TBC1D15: variants seen among roughly 807,000 people sequenced by gnomAD.
TBC1D15 encodes GAP for RAB7.
A neutral mutation model predicts 95.4 loss-of-function variants in TBC1D15; 39 were observed. The observed-to-expected ratio is 0.41, with a 90% CI of 0.32 to 0.53. The LOEUF (loss-of-function observed/expected upper bound fraction) is 0.53, where lower values mean the gene tolerates loss of function less well. Ranked by LOEUF, TBC1D15 falls within the 20% of genes least tolerant of loss-of-function variation. TBC1D15 has a pLI of 0.29. For missense variants in TBC1D15, 733 were observed against 794.3 expected (o/e 0.92, Z 0.93); for synonymous variants, 258 against 261.3 (o/e 0.99, Z 0.12).
intron 3 of TBC1D15, among the ~76,000 whole-genome samples, chr12:71,874,217 C>G (rs1320297147): frequency 6.6e-6 from 1 of 152,172 alleles, no homozygotes; most frequent in Non-Finnish European, 1.5e-5. Context: ...CAAATCGAGT[C>G]ACGTTCTGAG....
intron 1 of TBC1D15, among the ~76,000 whole-genome samples, chr12:71,865,481 A>G (rs759031901): frequency 6.6e-6 from 1 of 152,150 alleles, no homozygotes; most frequent in Non-Finnish European, 1.5e-5. Flanking sequence ...TAGTGACTCA[A>G]GACCTTGGGA....
chr12:71,884,953 T>A lies in TBC1D15; in HGVS notation c.486T>A (p.Ala162=), dbSNP rs755400995. 64 of 1,614,068 alleles carry A rather than the reference T, an allele frequency of 4.0e-5. No individual in the cohort carries two copies. The highest frequency in any genetic ancestry group is 5.3e-5 in the Non-Finnish European group (63 of 1,179,926). ...TAAAGGATGACGTCGTTCTCCCTGCTCTACACTTTCATCAAGGAGATAGCA... is the reference window on the plus strand; with the variant it reads ...TAAAGGATGACGTCGTTCTCCCTGCACTACACTTTCATCAAGGAGATAGCA... ...FCLKDDVVLP[A]LHFHQGDSKL... is the part of the protein sequence containing the mutation. Residue 162 remains alanine (A), a synonymous_variant, in exon 5 of 17, where the codon GCT becomes GCA. Transcript: ENST00000485960.
chr12:71,850,309 T>A, intron 1 of TBC1D15: 1 of 443,348 alleles, frequency 2.3e-6, no homozygotes, highest in Admixed American at 2.9e-5. Context: ...CTGGCTAGAG[T>A]GGTTTGAAAG....
chr12:71,871,139 T>C (rs962085857), intron 1 of TBC1D15, among the ~76,000 whole-genome samples: 1 of 152,204 alleles, frequency 6.6e-6, no homozygotes, highest in Non-Finnish European at 1.5e-5. Flanking sequence ...CTATGAAAAA[T>C]GAGGCTTAAC....
At position 71,878,805 on chromosome 12, in the gene TBC1D15, C is replaced by T. The variant is rs547139563; in HGVS notation, c.205-1664C>T. On this transcript the variant is annotated intron_variant, in intron 3 of 16. Coordinates refer to ENST00000485960, the MANE Select transcript of TBC1D15 (RefSeq NM_001146213.3). The stretch of plus-strand genomic sequence containing the variant: ...GTGCTGGGATTACAGGCATGAGCTA[C>T]TGCACCTGGCCTGAGGGTTGATTTA... 6.6e-5 allele frequency among the ~76,000 whole-genome samples: 10 copies of T among 151,250 alleles called. No individual in the cohort carries two copies. In the South Asian group the frequency reaches 2.1e-3, roughly 31 times the overall value.
At chr12:71,853,271 G>C (rs1888276127) in intron 1 of TBC1D15, among the ~76,000 whole-genome samples, 1 of 152,150 alleles carries the variant, frequency 6.6e-6, no homozygotes, top group Non-Finnish European at 1.5e-5. Flanking sequence ...ACTCACTATT[G>C]ACATGACAGC....
intron 10 of TBC1D15, among the ~76,000 whole-genome samples, chr12:71,899,884 A>G (rs536584851): frequency 1.3e-5 from 2 of 152,150 alleles, no homozygotes; most frequent in South Asian, 2.1e-4. Context: ...ACTTGAGCCT[A>G]TGGGGTTGAG....
At chr12:71,914,230 A>G (rs1903133890) in intron 12 of TBC1D15, among the ~76,000 whole-genome samples, 1 of 151,974 alleles carries the variant, frequency 6.6e-6, no homozygotes, top group South Asian at 2.1e-4. Context: ...AGATGAATTC[A>G]ATTTTGTGGA....
At chr12:71,919,454 C>G (rs1429831021) in intron 14 of TBC1D15, among the ~76,000 whole-genome samples, 1 of 152,026 alleles carries the variant, frequency 6.6e-6, no homozygotes. Context: ...GATTGTAAAT[C>G]CAACTTTATA....
chr12:71,893,225 T>G lies in TBC1D15; in HGVS notation c.558T>G (p.Ser186=), dbSNP rs756565437. The G allele has an allele frequency of 6.3e-7, 1 of 1,590,356 alleles. No individual in the cohort carries two copies. Among genetic ancestry groups the G allele is most frequent in the Non-Finnish European group, 8.6e-7 (1 of 1,167,758 alleles). The change falls in exon 6 of 17, where the codon TCT becomes TCG. Residue 186 remains serine (S), a synonymous_variant. Transcript: ENST00000485960. The part of the protein sequence containing the change: ...SLEKYVVLCE[S]PQDKRTLLVN... ...CAAATCCTCTTTTTTATTATAGATC[T>G]CCACAGGATAAAAGAACACTTCTTG...
chr12:71,907,035 C>T lies in TBC1D15; in HGVS notation c.1197C>T (p.Asn399=), dbSNP rs775951329. Residue 399 remains asparagine (N), a synonymous_variant, in exon 11 of 17, where the codon AAC becomes AAT. Coordinates refer to ENST00000485960, the MANE Select transcript of TBC1D15 (RefSeq NM_001146213.3). ...DYRSLIEKDV[N]RTDRTNKFYE... is the part of the protein sequence containing the mutation. ...TTTCCTCTTCAGAAAAAGATGTTAA[C>T]AGAACAGATCGAACAAACAAGTTTT... The T allele has an allele frequency of 2.5e-6, 4 of 1,602,672 alleles. No homozygotes were observed. The South Asian group carries it at 4.5e-5, about 18-fold the overall frequency.
intron 1 of TBC1D15, among the ~76,000 whole-genome samples, chr12:71,840,898 C>T (rs1183353870): frequency 6.6e-6 from 1 of 151,982 alleles, no homozygotes; most frequent in Non-Finnish European, 1.5e-5. Context: ...TTTGTCTTTT[C>T]GCGTTCTTTA....
At position 71,851,244 on chromosome 12, in the gene TBC1D15, A is replaced by G. The variant is rs549433674; in HGVS notation, c.30+11433A>G. ...CAACCAGATCTCATGAGAACTCACT[A>G]TTGTGATGACAGCATCAAGAGTGGA... On this transcript the variant is annotated intron_variant, in intron 1 of 16. Transcript: ENST00000485960. 3.0e-4 allele frequency among the ~76,000 whole-genome samples: 46 copies of G among 152,188 alleles called. 3 individuals are homozygous for G. The South Asian group carries it at 9.1e-3, about 30-fold the overall frequency.
In TBC1D15 at chr12:71,893,576, A is replaced by G. The variant is rs184030485; in HGVS notation, c.657+252A>G. ...TCATAAGGAAATTTCTCAGTTTATT[A>G]TAATACTAAAATTAGACATCAGTAG... On this transcript the variant is annotated intron_variant, in intron 6 of 16. Coordinates refer to ENST00000485960, the MANE Select transcript of TBC1D15 (RefSeq NM_001146213.3). 7.2e-5 allele frequency among the ~76,000 whole-genome samples: 11 copies of G among 152,030 alleles called. No individual in the cohort carries two copies. The East Asian group carries it at 1.9e-3, about 27-fold the overall frequency.
chr12:71,865,653 A>T (rs1046095687), intron 1 of TBC1D15, among the ~76,000 whole-genome samples: 3 of 152,094 alleles, frequency 2.0e-5, no homozygotes, highest in South Asian at 2.1e-4. Flanking sequence ...TCAGCAGCTT[A>T]GACTCTGGAG....
At chr12:71,898,008 G>C in intron 10 of TBC1D15, 67 bp downstream of exon 10, 1 of 1,200,234 alleles carries the variant, frequency 8.3e-7, no homozygotes, top group Non-Finnish European at 1.2e-6. Context: ...TAAGAGTAAA[G>C]AAGTGAAGAT....
In TBC1D15 at chr12:71,843,252, G is replaced by A. The variant is rs562626211; in HGVS notation, c.30+3441G>A. On this transcript the variant is annotated intron_variant, in intron 1 of 16. Coordinates refer to ENST00000485960, the MANE Select transcript of TBC1D15 (RefSeq NM_001146213.3). ...GCCACTTGTTCAGACTGGGCGAAGGGCATACTGTGTTTCAAAAAATGAAAA... is the reference window on the plus strand; with the variant it reads ...GCCACTTGTTCAGACTGGGCGAAGGACATACTGTGTTTCAAAAAATGAAAA... 1.3e-3 allele frequency among the ~76,000 whole-genome samples: 192 copies of A among 152,270 alleles called. 2 individuals are homozygous for A. Among genetic ancestry groups the A allele is most frequent in the African/African-American group, 4.5e-3 (187 of 41,554 alleles).
Position 71,917,747 on chromosome 12 carries a change from A to T in TBC1D15, c.1451A>T (p.Gln484Leu). 1 of 1,613,076 alleles carries T rather than the reference A, an allele frequency of 6.2e-7. No homozygotes were observed. Among genetic ancestry groups the T allele is most frequent in the East Asian group, 2.2e-5 (1 of 44,844 alleles). ...QMQGMKTQLI[Q>L]LSTLLRLLDS... ...CAAGGCATGAAGACCCAGCTAATTC[A>T]GCTGAGTACCTTACTTCGATTGTTA... Residue 484 changes from glutamine (Q) to leucine (L), a missense_variant, in exon 13 of 17, where the codon CAG (glutamine) becomes CTG (leucine). By Grantham distance (113) the Gln-to-Leu change is moderately radical (BLOSUM62 -2). Transcript: ENST00000485960.
intron 1 of TBC1D15, among the ~76,000 whole-genome samples, chr12:71,855,559 T>C (rs148084121): frequency 6.6e-6 from 1 of 150,896 alleles, no homozygotes; most frequent in East Asian, 2.0e-4. Flanking sequence ...TCCCAGCTAC[T>C]TGGGAGGCTG....
Sources: gnomAD v4.1 joint callset for allele counts (sites outside exome capture counted in the v4.1 genomes callset) on GRCh38, gnomAD v4.1.1 for gene constraint, MANE v1.5 for transcripts, NCBI Gene and HGNC (gene_info 2026-07-23, HGNC 2026-07-21) for gene names.